CNBD1: variants seen among roughly 807,000 people sequenced by gnomAD.
The protein encoded by CNBD1 is cyclic nucleotide binding domain containing 1, also known as cyclic nucleotide-binding domain-containing protein 1.
In CNBD1, 71 loss-of-function variants were observed where a neutral mutation model predicts 54.4. The ratio of observed to expected loss-of-function variants is 1.30; its 90% CI spans 1.08 to 1.59. CNBD1 has a LOEUF of 1.59. Among genes scored for constraint, CNBD1 ranks in the 40% most tolerant of loss-of-function variants. The pLI is 0.00. For synonymous variants in CNBD1, 182 were observed against 170.7 expected, an observed-to-expected ratio of 1.07 and a Z score of -0.51; for missense variants, 659 against 518.0, an observed-to-expected ratio of 1.27 and a Z score of -2.64.
chr8:87,228,680 A>G (rs930602487), intron 5 of CNBD1, among the ~76,000 whole-genome samples: 2 of 151,596 alleles, frequency 1.3e-5, no homozygotes, highest in Admixed American at 1.3e-4. Flanking sequence ...TGCAGAAGTT[A>G]CTGCTGTCTT....
chr8:87,113,203 A>C (rs1314419530), intron 4 of CNBD1, among the ~76,000 whole-genome samples: 1 of 152,200 alleles, frequency 6.6e-6, no homozygotes, highest in African/African-American at 2.4e-5. Flanking sequence ...GAAGAGTTCC[A>C]GTGTGAGCCA....
At chr8:87,409,774 G>A (rs1807709212) in intron 2 of CNBD1, among the ~76,000 whole-genome samples, 1 of 152,054 alleles carries the variant, frequency 6.6e-6, no homozygotes, top group South Asian at 2.1e-4. Context: ...TGTAATCCTA[G>A]CACTTTGGGA....
At chr8:86,989,933 A>G (rs1808705304) in intron 4 of CNBD1, among the ~76,000 whole-genome samples, 2 of 151,962 alleles carry the variant, frequency 1.3e-5, no homozygotes, top group Non-Finnish European at 2.9e-5. Flanking sequence ...TTTGATTTGC[A>G]TTTTTCTGAT....
At chr8:86,877,762 T>C (rs1281620081) in intron 1 of CNBD1, among the ~76,000 whole-genome samples, 1 of 152,178 alleles carries the variant, frequency 6.6e-6, no homozygotes, top group Admixed American at 6.5e-5. Context: ...TATTGCATTA[T>C]ATCTTTGAGC....
At chr8:87,319,755 A>G (rs181876487) in intron 8 of CNBD1, among the ~76,000 whole-genome samples, 1 of 152,212 alleles carries the variant, frequency 6.6e-6, no homozygotes, top group East Asian at 1.9e-4. Flanking sequence ...AATAAAATTA[A>G]CAGTGAAAGT....
At chr8:87,291,285 G>C (rs1317444177) in intron 8 of CNBD1, among the ~76,000 whole-genome samples, 1 of 152,010 alleles carries the variant, frequency 6.6e-6, no homozygotes, top group Non-Finnish European at 1.5e-5. Context: ...TTTTACACAT[G>C]TTGTTCCTTC....
chr8:86,919,365 C>G (rs533586227), intron 3 of CNBD1, among the ~76,000 whole-genome samples: 9 of 152,272 alleles, frequency 5.9e-5, no homozygotes, highest in African/African-American at 2.2e-4. Flanking sequence ...AGAGCCCCAA[C>G]CAGCCATGTG....
intron 4 of CNBD1, among the ~76,000 whole-genome samples, chr8:87,129,797 C>A (rs1019481594): frequency 6.6e-6 from 1 of 151,750 alleles, no homozygotes; most frequent in Non-Finnish European, 1.5e-5. Context: ...TTTTTTGACC[C>A]ATGGATATTT....
chr8:87,191,275 A>G (rs1813604161), intron 4 of CNBD1, among the ~76,000 whole-genome samples: 1 of 152,106 alleles, frequency 6.6e-6, no homozygotes, highest in African/African-American at 2.4e-5. Context: ...AGTGGAAGGA[A>G]GCATCAGGCA....
rs1327631149 is a variant in CNBD1 at position 87,403,140 on chromosome 8, T to A, written c.214-25406T>A. Reference sequence around the variant, plus strand: ...ACCAACATAGAAAATAAAAAAAAAATTGATTTAATTTTTTAAAACATCACT... The same window carrying A: ...ACCAACATAGAAAATAAAAAAAAAAATGATTTAATTTTTTAAAACATCACT... On this transcript the variant is annotated intron_variant, in intron 2 of 7. Coordinates refer to the CNBD1 transcript ENST00000521593. Among the ~76,000 whole-genome samples the A allele has an allele frequency of 4.6e-5, 7 of 151,910 alleles. No homozygotes were observed. The East Asian group carries it at 7.8e-4, about 17-fold the overall frequency.
intron 4 of CNBD1, among the ~76,000 whole-genome samples, chr8:86,974,253 TA>T: frequency 6.6e-6 from 1 of 151,958 alleles, no homozygotes; most frequent in Non-Finnish European, 1.5e-5. Context: ...AGTGGGAAAA[TA>T]AAAATTTTTG....
At chr8:87,140,971 T>C (rs1812358838) in intron 4 of CNBD1, among the ~76,000 whole-genome samples, 1 of 152,144 alleles carries the variant, frequency 6.6e-6, no homozygotes, top group African/African-American at 2.4e-5. Flanking sequence ...TAGCGAATAT[T>C]AAGTTGTAAA....
chr8:87,138,108 G>A (rs1402406829), intron 4 of CNBD1, among the ~76,000 whole-genome samples: 2 of 152,102 alleles, frequency 1.3e-5, no homozygotes, highest in African/African-American at 4.8e-5. Flanking sequence ...CAGAGAATGA[G>A]GAAAGGCACA....
At chr8:87,001,808 G>T (rs1313029371) in intron 4 of CNBD1, among the ~76,000 whole-genome samples, 1 of 152,106 alleles carries the variant, frequency 6.6e-6, no homozygotes, top group Non-Finnish European at 1.5e-5. Context: ...ATTCAGTTGG[G>T]AAGATATTTC....
intron 4 of CNBD1, among the ~76,000 whole-genome samples, chr8:86,978,110 G>T (rs1287802326): frequency 6.6e-6 from 1 of 152,112 alleles, no homozygotes; most frequent in East Asian, 1.9e-4. Flanking sequence ...AGATTGGAAT[G>T]TACTGTATCA....
At chr8:87,285,117 T>C (rs1417527182) in intron 7 of CNBD1, among the ~76,000 whole-genome samples, 2 of 152,104 alleles carry the variant, frequency 1.3e-5, no homozygotes, top group East Asian at 3.9e-4. Context: ...AACAAATATG[T>C]GTTTTGCATG....
chr8:86,975,093 T>C lies in CNBD1; in HGVS notation c.431+35339T>C, dbSNP rs577586403. ...TATACAGCAGATTTTCTTGTTTACATTTTAAAAAATATTTTATTTTTAATT... is the reference window on the plus strand; with the variant it reads ...TATACAGCAGATTTTCTTGTTTACACTTTAAAAAATATTTTATTTTTAATT... On this transcript the variant is annotated intron_variant, in intron 4 of 10. Coordinates refer to ENST00000518476, the MANE Select transcript of CNBD1 (RefSeq NM_173538.3). Among the ~76,000 whole-genome samples, 360 of 152,174 alleles carry C rather than the reference T, an allele frequency of 2.4e-3. 2 individuals are homozygous for C. Among genetic ancestry groups the C allele is most frequent in the African/African-American group, 8.4e-3 (351 of 41,568 alleles).
chr8:86,957,310 C>A (rs1362606131), intron 4 of CNBD1, among the ~76,000 whole-genome samples: 1 of 152,108 alleles, frequency 6.6e-6, no homozygotes, highest in African/African-American at 2.4e-5. Flanking sequence ...TGTGTCTCTG[C>A]CAGGCTTTGG....
intron 6 of CNBD1, among the ~76,000 whole-genome samples, chr8:87,249,091 G>T (rs1807862868): frequency 6.6e-6 from 1 of 152,094 alleles, no homozygotes; most frequent in Non-Finnish European, 1.5e-5. Context: ...TGGTCTCTGT[G>T]CAGTCAAACC....
Sources: gnomAD v4.1 joint callset for allele counts (sites outside exome capture counted in the v4.1 genomes callset) on GRCh38, gnomAD v4.1.1 for gene constraint, MANE v1.5 for transcripts, NCBI Gene and HGNC (gene_info 2026-07-23, HGNC 2026-07-21) for gene names.